The following HMBOX1 variants were observed in gnomAD, a reference collection of about 807,000 sequenced individuals.
HMBOX1 encodes homeobox-containing protein 1.
A neutral mutation model predicts 54.5 loss-of-function variants in HMBOX1; 14 were observed. The observed-to-expected ratio is 0.26, with a 90% CI of 0.17 to 0.40. The LOEUF is 0.40. Ranked by LOEUF, HMBOX1 falls within the 10% of genes least tolerant of loss-of-function variation. The pLI, the probability that HMBOX1 is intolerant of heterozygous loss-of-function variation, is 1.00. For missense variants in HMBOX1, 332 were observed against 514.4 expected (o/e 0.65, Z 3.43); for synonymous variants, 160 against 181.0 (o/e 0.88, Z 0.93).
At chr8:28,952,374 C>T (rs951084995) in intron 1 of HMBOX1, among the ~76,000 whole-genome samples, 4 of 152,014 alleles carry the variant, frequency 2.6e-5, no homozygotes, top group African/African-American at 9.7e-5. Flanking sequence ...GCTGGGATTA[C>T]AGGCCCCCAC....
intron 5 of HMBOX1, among the ~76,000 whole-genome samples, chr8:29,011,549 G>A (rs971185606): frequency 8.5e-5 from 13 of 152,132 alleles, no homozygotes; most frequent in South Asian, 2.1e-4. Flanking sequence ...CTGGAGTTTC[G>A]GGGCTGGGCT....
At chr8:28,905,183 G>C (rs572945368) in intron 1 of HMBOX1, among the ~76,000 whole-genome samples, 9 of 152,314 alleles carry the variant, frequency 5.9e-5, no homozygotes, top group Admixed American at 3.9e-4. Flanking sequence ...TGGTTAATTG[G>C]AGGCTGAGCA....
At chr8:28,896,055 CA>C (rs1310057750) in intron 1 of HMBOX1, among the ~76,000 whole-genome samples, 2 of 152,182 alleles carry the variant, frequency 1.3e-5, no homozygotes, top group Non-Finnish European at 2.9e-5. Flanking sequence ...CACCTGTGTC[CA>C]AATCCTGGTT....
chr8:29,027,160 G>A (rs1322726906), intron 6 of HMBOX1, among the ~76,000 whole-genome samples: 1 of 152,054 alleles, frequency 6.6e-6, no homozygotes, highest in Non-Finnish European at 1.5e-5. Context: ...ATATTCTCAA[G>A]GGGAAAAAAA....
intron 4 of HMBOX1, among the ~76,000 whole-genome samples, chr8:29,002,862 T>C (rs1256413868): frequency 6.6e-6 from 1 of 152,232 alleles, no homozygotes; most frequent in Non-Finnish European, 1.5e-5. Flanking sequence ...TATTTATTTC[T>C]AAGGGGTGAG....
intron 5 of HMBOX1, among the ~76,000 whole-genome samples, chr8:29,018,399 A>G (rs552134272): frequency 3.6e-4 from 55 of 152,320 alleles, no homozygotes; most frequent in African/African-American, 1.3e-3. Context: ...TGATTTAGTT[A>G]GTAGACAAAA....
At chr8:28,981,010 T>C (rs1253087738) in intron 4 of HMBOX1, among the ~76,000 whole-genome samples, 1 of 152,202 alleles carries the variant, frequency 6.6e-6, no homozygotes, top group Non-Finnish European at 1.5e-5. Context: ...TCAGTTTTCT[T>C]CCTGCTACAA....
At chr8:28,962,558 C>T (rs1369309802) in intron 1 of HMBOX1, among the ~76,000 whole-genome samples, 3 of 152,190 alleles carry the variant, frequency 2.0e-5, no homozygotes, top group African/African-American at 4.8e-5. Flanking sequence ...CTCACACATA[C>T]TGTGTTAAAG....
chr8:29,005,355 A>T (rs1833301532), intron 4 of HMBOX1, among the ~76,000 whole-genome samples: 2 of 152,224 alleles, frequency 1.3e-5, no homozygotes, highest in South Asian at 2.1e-4. Flanking sequence ...CAATATAGAG[A>T]TAGAAATGTA....
intron 4 of HMBOX1, among the ~76,000 whole-genome samples, chr8:28,989,027 CT>C (rs1317998356): frequency 6.6e-6 from 1 of 152,086 alleles, no homozygotes; most frequent in African/African-American, 2.4e-5. Flanking sequence ...AATCCCAGCA[CT>C]TTGGGAGGCC....
At chr8:29,037,921 C>T (rs1264148009) in intron 6 of HMBOX1, among the ~76,000 whole-genome samples, 2 of 152,180 alleles carry the variant, frequency 1.3e-5, no homozygotes, top group South Asian at 2.1e-4. Flanking sequence ...TGAAGAAATA[C>T]ACACTGAATT....
chr8:29,014,911 C>T (rs1834778619), intron 5 of HMBOX1, among the ~76,000 whole-genome samples: 2 of 152,150 alleles, frequency 1.3e-5, no homozygotes, highest in South Asian at 4.1e-4. Context: ...AACTCCTGAC[C>T]TCAGGTGTTC....
Position 28,931,124 on chromosome 8 carries a change from T to C in HMBOX1, c.-57-32687T>C, listed in dbSNP as rs192671944. On this transcript the variant is annotated intron_variant, in intron 1 of 9. Transcript: ENST00000287701. Reference sequence around the variant, plus strand: ...TAACTAAAAAAGTGATTTTTTTGCATTAAACTTAATAGTAATTTTTACATC... The same window carrying C: ...TAACTAAAAAAGTGATTTTTTTGCACTAAACTTAATAGTAATTTTTACATC... Among the ~76,000 whole-genome samples the C allele has an allele frequency of 3.3e-3, 497 of 152,356 alleles. 3 individuals are homozygous for C. Among genetic ancestry groups the C allele is most frequent in the African/African-American group, 0.011 (471 of 41,586 alleles).
chr8:29,021,935 C>T (rs1240187838), intron 6 of HMBOX1, among the ~76,000 whole-genome samples: 1 of 151,480 alleles, frequency 6.6e-6, no homozygotes, highest in Non-Finnish European at 1.5e-5. Flanking sequence ...AGATACTATT[C>T]TTCACTTATT....
intron 1 of HMBOX1, among the ~76,000 whole-genome samples, chr8:28,942,792 G>A (rs920147345): frequency 5.3e-5 from 8 of 151,166 alleles, no homozygotes; most frequent in Non-Finnish European, 7.4e-5. Context: ...CTGATCTTTT[G>A]GTATTACAAA....
At chr8:28,922,752 A>T (rs1368078262) in intron 1 of HMBOX1, among the ~76,000 whole-genome samples, 1 of 152,164 alleles carries the variant, frequency 6.6e-6, no homozygotes, top group East Asian at 1.9e-4. Context: ...AAGAGGAGTA[A>T]CAATATATTA....
chr8:29,033,744 G>A (rs188796803), intron 6 of HMBOX1, among the ~76,000 whole-genome samples: 24 of 152,198 alleles, frequency 1.6e-4, no homozygotes, highest in Admixed American at 1.2e-3. Flanking sequence ...AAGACCCCAC[G>A]TTCCTCATAC....
chr8:29,041,440 G>A lies in HMBOX1; in HGVS notation c.852-3921G>A, dbSNP rs905451126. Among the ~76,000 whole-genome samples, 5 of 152,048 alleles carry A rather than the reference G, an allele frequency of 3.3e-5. No individual in the cohort carries two copies. In the East Asian group the frequency reaches 5.8e-4, roughly 18 times the overall value. On this transcript the variant is annotated intron_variant, in intron 6 of 9. Transcript: ENST00000287701. Reference sequence around the variant, plus strand: ...TGCCTTTGTCTATCATTATTGGCTCGTCAACACTATCATTAGTGGGGAGCG... The same window carrying A: ...TGCCTTTGTCTATCATTATTGGCTCATCAACACTATCATTAGTGGGGAGCG...
At chr8:28,906,265 T>C (rs1814315654) in intron 1 of HMBOX1, among the ~76,000 whole-genome samples, 1 of 152,224 alleles carries the variant, frequency 6.6e-6, no homozygotes, top group African/African-American at 2.4e-5. Context: ...TCCTGCACTT[T>C]CTGCTAATGA....
Sources: allele counts gnomAD v4.1 joint callset (sites outside exome capture counted in the v4.1 genomes callset), GRCh38; gene constraint gnomAD v4.1.1; transcripts MANE v1.5; gene names NCBI Gene and HGNC (gene_info 2026-07-23, HGNC 2026-07-21).